MARK3: variants seen among roughly 807,000 people sequenced by gnomAD.
The protein encoded by MARK3 is microtubule affinity regulating kinase 3, also known as MAP/microtubule affinity-regulating kinase 3.
MARK3 carries 46 observed loss-of-function variants against 90.1 expected under a neutral mutation model. That is an observed-to-expected ratio of 0.51 (90% CI 0.40 to 0.65). The LOEUF (loss-of-function observed/expected upper bound fraction) is 0.65. Ranked by LOEUF, MARK3 falls within the 30% of genes least tolerant of loss-of-function variation. MARK3 has a pLI of 0.00. For synonymous variants in MARK3, 321 were observed against 332.6 expected (o/e 0.97, Z 0.38); for missense variants, 818 against 947.2 (o/e 0.86, Z 1.79).
At chr14:103,498,278 A>T (rs1366590336) in intron 15 of MARK3, among the ~76,000 whole-genome samples, 1 of 152,042 alleles carries the variant, frequency 6.6e-6, no homozygotes, top group Non-Finnish European at 1.5e-5. Flanking sequence ...GTACTGCTAA[A>T]CCTTTTCTTA....
chr14:103,434,761 A>G (rs956788510), intron 3 of MARK3, among the ~76,000 whole-genome samples: 3 of 152,220 alleles, frequency 2.0e-5, no homozygotes, highest in Non-Finnish European at 4.4e-5. Flanking sequence ...AGAATTCAGA[A>G]TCTAGTTCAG....
chr14:103,466,712 G>T (rs1433885306), intron 10 of MARK3, among the ~76,000 whole-genome samples: 1 of 152,034 alleles, frequency 6.6e-6, no homozygotes, highest in Non-Finnish European at 1.5e-5. Context: ...CCCTACAAAA[G>T]AATGATTTCT....
At chr14:103,405,863 C>T (rs2091260180) in intron 2 of MARK3, among the ~76,000 whole-genome samples, 1 of 151,212 alleles carries the variant, frequency 6.6e-6, no homozygotes, top group African/African-American at 2.4e-5. Context: ...TCCCAAAGTG[C>T]TGGGATTACA....
chr14:103,482,358 T>C (rs1031395052), intron 14 of MARK3, among the ~76,000 whole-genome samples: 3 of 151,756 alleles, frequency 2.0e-5, no homozygotes, highest in Non-Finnish European at 4.4e-5. Flanking sequence ...CCGTCTCTAC[T>C]AAAAATACGA....
chr14:103,387,638 G>A (rs766146386), intron 1 of MARK3, among the ~76,000 whole-genome samples: 4 of 151,500 alleles, frequency 2.6e-5, no homozygotes, highest in Non-Finnish European at 5.9e-5. Flanking sequence ...GATTACTGGC[G>A]TGCACCACCA....
At chr14:103,482,411 C>T (rs1212184382) in intron 14 of MARK3, among the ~76,000 whole-genome samples, 1 of 151,942 alleles carries the variant, frequency 6.6e-6, no homozygotes, top group Non-Finnish European at 1.5e-5. Context: ...GTCCCAGCTA[C>T]CAGGGAGACT....
At chr14:103,457,333 A>T (rs2093298683) in intron 6 of MARK3, 121 bp downstream of exon 6, 5 of 667,266 alleles carry the variant, frequency 7.5e-6, no homozygotes, top group Non-Finnish European at 1.0e-5. Context: ...GGGGTTGGCC[A>T]TTCAATTCAA....
At chr14:103,420,000 A>G (rs928671776) in intron 2 of MARK3, among the ~76,000 whole-genome samples, 3 of 151,956 alleles carry the variant, frequency 2.0e-5, no homozygotes, top group African/African-American at 7.2e-5. Flanking sequence ...AAGAAAAAGA[A>G]ACAGAAACTT....
At chr14:103,413,804 T>A (rs1317846629) in intron 2 of MARK3, among the ~76,000 whole-genome samples, 1 of 152,088 alleles carries the variant, frequency 6.6e-6, no homozygotes, top group African/African-American at 2.4e-5. Flanking sequence ...TCATATGGTA[T>A]GTAACCTTTT....
chr14:103,469,468 C>T (rs1595831097), intron 12 of MARK3, among the ~76,000 whole-genome samples: 1 of 151,524 alleles, frequency 6.6e-6, no homozygotes. Flanking sequence ...AGGTGTGAGC[C>T]ACCGCGCCTG....
chr14:103,399,777 T>C (rs920805865), intron 1 of MARK3, among the ~76,000 whole-genome samples: 1 of 151,076 alleles, frequency 6.6e-6, no homozygotes, highest in African/African-American at 2.4e-5. Context: ...AGCAGTTCAG[T>C]AATATTGGAG....
intron 12 of MARK3, among the ~76,000 whole-genome samples, chr14:103,469,904 TAAA>T (rs1183440907): frequency 6.6e-6 from 1 of 151,288 alleles, no homozygotes; most frequent in Non-Finnish European, 1.5e-5. Flanking sequence ...CTACTAAAAA[TAAA>T]AAAATTACCT....
At chr14:103,423,822 C>T (rs1016296258) in intron 2 of MARK3, among the ~76,000 whole-genome samples, 1 of 152,168 alleles carries the variant, frequency 6.6e-6, no homozygotes, top group Non-Finnish European at 1.5e-5. Context: ...GACTTTTCTG[C>T]AGTTTGGTTA....
chr14:103,435,927 G>C (rs1385919984), intron 3 of MARK3, among the ~76,000 whole-genome samples: 1 of 151,928 alleles, frequency 6.6e-6, no homozygotes, highest in Non-Finnish European at 1.5e-5. Context: ...GTCTCCCTCT[G>C]TTGGCCAGCC....
At position 103,503,132 on chromosome 14, in the gene MARK3, CTG is replaced by C; in HGVS notation, c.2169_2170del (p.Leu725GlufsTer6). ...AATGGAAGTGTGCAAGCTGCCAAGA[CTG>C]TCTCTGAACGGGGTCCGGTTTAAGC... Reference protein sequence around the residue: ...WEMEVCKLPRLSLNGVRFKRI... With the variant: ...WEMEVCKLPRXSLNGVRFKRI... On this transcript the variant is annotated frameshift_variant, in exon 18 of 18. Transcript: ENST00000429436. LOFTEE classifies it high-confidence loss of function. 6.2e-7 allele frequency: 1 copy of C among 1,614,238 alleles called. No individual in the cohort carries two copies. The highest frequency in any genetic ancestry group is 8.5e-7 in the Non-Finnish European group (1 of 1,180,046).
intron 1 of MARK3, among the ~76,000 whole-genome samples, chr14:103,393,696 T>C (rs2090409150): frequency 6.6e-6 from 1 of 152,200 alleles, no homozygotes; most frequent in South Asian, 2.1e-4. Context: ...CATAGAGGCT[T>C]ATACAGTCTA....
At chr14:103,397,546 C>T (rs750813295) in intron 1 of MARK3, among the ~76,000 whole-genome samples, 3 of 151,922 alleles carry the variant, frequency 2.0e-5, no homozygotes, top group Non-Finnish European at 4.4e-5. Context: ...AGGCTGGTCT[C>T]GAACTCCTGA....
At chr14:103,479,187 A>G (rs187867593) in intron 13 of MARK3, among the ~76,000 whole-genome samples, 3 of 151,364 alleles carry the variant, frequency 2.0e-5, no homozygotes, top group Admixed American at 2.0e-4. Flanking sequence ...TGCCTGGCTT[A>G]TTTTTTCTGT....
At position 103,467,087 on chromosome 14, in the gene MARK3, G is replaced by C; in HGVS notation, c.1006G>C (p.Val336Leu). 1 of 1,482,724 alleles carries C rather than the reference G, an allele frequency of 6.7e-7. No homozygotes were observed. Among genetic ancestry groups the C allele is most frequent in the Non-Finnish European group, 9.4e-7 (1 of 1,065,582 alleles). The allele number at this position is 1,482,724 out of a possible 1,614,324, so 91.8% of individuals were successfully genotyped here. A position where few individuals can be genotyped will look rare whatever the true frequency, so the allele number is the denominator to read the frequency against. The change falls in exon 11 of 18, where the codon GTG (valine) becomes CTG (leucine). Residue 336 changes from valine to leucine, a missense_variant. Val to Leu is a conservative substitution (Grantham distance 32). Transcript: ENST00000429436. Reference sequence around the variant, plus strand: ...TTATGCCCTTCTTTTAGATATTATGGTGGGAATGGGATATTCACAAGAAGA... The same window carrying C: ...TTATGCCCTTCTTTTAGATATTATGCTGGGAATGGGATATTCACAAGAAGA... Reference protein sequence around the residue: ...ISDQKRIDIMVGMGYSQEEIQ... With the variant: ...ISDQKRIDIMLGMGYSQEEIQ...
Sources: gnomAD v4.1 joint callset for allele counts (sites outside exome capture counted in the v4.1 genomes callset) on GRCh38, gnomAD v4.1.1 for gene constraint, MANE v1.5 for transcripts, NCBI Gene and HGNC (gene_info 2026-07-23, HGNC 2026-07-21) for gene names.